The following LRGUK variants were observed in gnomAD, a reference collection of about 807,000 sequenced individuals.
The protein encoded by LRGUK is leucine-rich repeat and guanylate kinase domain-containing protein.
LRGUK carries 65 observed loss-of-function variants against 76.0 expected under a neutral mutation model. The ratio of observed to expected loss-of-function variants is 0.85; its 90% confidence interval spans 0.70 to 1.05. The LOEUF (loss-of-function observed/expected upper bound fraction) is 1.05. Among genes scored for constraint, LRGUK ranks in the 50% least tolerant of loss-of-function variants. The probability of loss-of-function intolerance (pLI) is 0.00; values close to 1 mark genes in which losing one functional copy is unlikely to be tolerated. For missense variants in LRGUK, 758 were observed against 732.8 expected (o/e 1.03, Z -0.40); for synonymous variants, 268 against 265.6 (o/e 1.01, Z -0.09).
At chr7:134,180,220 G>A (rs1459190375) in intron 10 of LRGUK, among the ~76,000 whole-genome samples, 1 of 152,112 alleles carries the variant, frequency 6.6e-6, no homozygotes, top group Non-Finnish European at 1.5e-5. Flanking sequence ...ATTGCTACCA[G>A]GTTGGTCATT....
intron 3 of LRGUK, among the ~76,000 whole-genome samples, chr7:134,141,104 C>G (rs996792314): frequency 6.6e-6 from 1 of 152,190 alleles, no homozygotes; most frequent in Non-Finnish European, 1.5e-5. Flanking sequence ...CCCACAGTTA[C>G]GCTCCAAGCC....
At chr7:134,236,922 G>GAA (rs1802029782) in intron 16 of LRGUK, among the ~76,000 whole-genome samples, 1 of 152,086 alleles carries the variant, frequency 6.6e-6, no homozygotes, top group African/African-American at 2.4e-5. Flanking sequence ...GCTGGGGATT[G>GAA]AAAACTGATG....
chr7:134,137,157 T>TGA, intron 2 of LRGUK, 27 bp downstream of exon 2: 1 of 1,507,976 alleles, frequency 6.6e-7, no homozygotes, highest in East Asian at 2.3e-5. Flanking sequence ...CTCCATTGGC[T>TGA]GGCTACAGCT....
intron 15 of LRGUK, among the ~76,000 whole-genome samples, chr7:134,207,157 T>A (rs866884849): frequency 6.6e-6 from 1 of 152,184 alleles, no homozygotes; most frequent in African/African-American, 2.4e-5. Flanking sequence ...ATATTTTGGT[T>A]AAAAAGCATA....
At chr7:134,144,834 A>G (rs1415844890) in intron 4 of LRGUK, among the ~76,000 whole-genome samples, 1 of 152,186 alleles carries the variant, frequency 6.6e-6, no homozygotes, top group Non-Finnish European at 1.5e-5. Flanking sequence ...AAGCCGCACT[A>G]GGTGCCTATC....
chr7:134,250,307 T>G (rs1436078020), intron 18 of LRGUK, among the ~76,000 whole-genome samples: 1 of 152,222 alleles, frequency 6.6e-6, no homozygotes, highest in Non-Finnish European at 1.5e-5. Flanking sequence ...AAGAATTTAA[T>G]GAAATATTCA....
chr7:134,243,569 A>G (rs1371742157), intron 16 of LRGUK, among the ~76,000 whole-genome samples: 1 of 152,200 alleles, frequency 6.6e-6, no homozygotes, highest in African/African-American at 2.4e-5. Flanking sequence ...AACAAATGGA[A>G]GAACATTCCA....
chr7:134,130,287 TCCC>T (rs376297003), intron 1 of LRGUK, among the ~76,000 whole-genome samples: 89 of 151,940 alleles, frequency 5.9e-4, no homozygotes, highest in African/African-American at 2.1e-3. Context: ...TCCACCAGCT[TCCC>T]CCCCCCCCCA....
chr7:134,263,619 CTTTCTTTTTTTTTTT>C (rs1220873800), intron 19 of LRGUK, among the ~76,000 whole-genome samples: 1 of 132,430 alleles, frequency 7.6e-6, no homozygotes, highest in African/African-American at 2.8e-5. Context: ...AATGTCATTT[CTTTCTTTTTTTTTTT>C]TTTTTTTTTG....
chr7:134,271,986 G>A, the LRGUK span, among the ~76,000 whole-genome samples: 19 of 151,978 alleles, frequency 1.3e-4, no homozygotes, highest in African/African-American at 4.3e-4. Context: ...CTTTCCATCC[G>A]TTATTATTTT....
intron 4 of LRGUK, among the ~76,000 whole-genome samples, chr7:134,146,456 T>G (rs1300614542): frequency 6.6e-6 from 1 of 152,158 alleles, no homozygotes; most frequent in East Asian, 1.9e-4. Context: ...TATTATTCTA[T>G]AGAAGAAAAA....
At chr7:134,134,976 C>T (rs998213022) in intron 1 of LRGUK, among the ~76,000 whole-genome samples, 1 of 152,118 alleles carries the variant, frequency 6.6e-6, no homozygotes, top group Admixed American at 6.5e-5. Flanking sequence ...ATGACTTTCC[C>T]TCTACTCTCC....
Position 134,258,772 on chromosome 7 carries a change from T to G in LRGUK, c.2347+367T>G, listed in dbSNP as rs181378457. Among the ~76,000 whole-genome samples the G allele has an allele frequency of 1.3e-4, 20 of 152,262 alleles. No individual in the cohort carries two copies. The East Asian group carries it at 3.9e-3, about 29-fold the overall frequency. On this transcript the variant is annotated intron_variant, in intron 19 of 19. Transcript: ENST00000285928. ...ATATATATTTATATTTGTTTATATATGTTTCCTACTGTCTTTTTATTGATC... is the reference window on the plus strand; with the variant it reads ...ATATATATTTATATTTGTTTATATAGGTTTCCTACTGTCTTTTTATTGATC...
intron 7 of LRGUK, among the ~76,000 whole-genome samples, chr7:134,164,442 C>G (rs1397558054): frequency 6.6e-6 from 1 of 152,154 alleles, no homozygotes; most frequent in African/African-American, 2.4e-5. Context: ...CAGAAACTGG[C>G]TTTCACTCTT....
intron 5 of LRGUK, among the ~76,000 whole-genome samples, chr7:134,148,579 T>C (rs1798075310): frequency 6.6e-6 from 1 of 152,196 alleles, no homozygotes; most frequent in South Asian, 2.1e-4. Context: ...ATTTTTCCGA[T>C]AAATGTAGGC....
At chr7:134,251,489 T>A (rs908316113) in intron 18 of LRGUK, among the ~76,000 whole-genome samples, 3 of 152,204 alleles carry the variant, frequency 2.0e-5, no homozygotes, top group Admixed American at 2.0e-4. Flanking sequence ...CAATTTCCAT[T>A]GTTTAAGCCA....
chr7:134,138,959 A>C (rs565053248), intron 2 of LRGUK, among the ~76,000 whole-genome samples: 1 of 151,868 alleles, frequency 6.6e-6, no homozygotes, highest in Non-Finnish European at 1.5e-5. Context: ...TGATCAGATG[A>C]GATTATTGTG....
the LRGUK span, among the ~76,000 whole-genome samples, chr7:134,270,387 A>G: frequency 6.6e-6 from 1 of 152,164 alleles, no homozygotes; most frequent in Non-Finnish European, 1.5e-5. Flanking sequence ...CAAGTGAAAA[A>G]GAATAATATA....
chr7:134,229,375 A>AATCTATCT (rs3030442), intron 16 of LRGUK, among the ~76,000 whole-genome samples: 23,355 of 147,384 alleles, frequency 0.16, 2,127 homozygotes, highest in East Asian at 0.27. Context: ...AAAAAAAAAA[A>AATCTATCT]ATCTATCTAT....
Sources: gnomAD v4.1 joint callset for allele counts (sites outside exome capture counted in the v4.1 genomes callset) on GRCh38, gnomAD v4.1.1 for gene constraint, MANE v1.5 for transcripts, NCBI Gene and HGNC (gene_info 2026-07-23, HGNC 2026-07-21) for gene names.